Variants in AZIN2 observed in about 807,000 individuals in gnomAD.
AZIN2 encodes the protein antizyme inhibitor 2, also known as ODC antizyme inhibitor-2.
AZIN2 carries 28 observed loss-of-function variants against 47.8 expected under a neutral mutation model. That is an observed-to-expected ratio of 0.59 (90% CI 0.43 to 0.80). AZIN2 has a LOEUF of 0.80. AZIN2 is among the 30% of genes least tolerant of loss of function. The pLI is 0.00. For missense variants in AZIN2, 535 were observed against 582.5 expected (o/e 0.92, Z 0.84); for synonymous variants, 221 against 239.4 (o/e 0.92, Z 0.71).
chr1:33,136,401 C>T, the AZIN2 span, among the ~76,000 whole-genome samples: 9 of 150,952 alleles, frequency 6.0e-5, no homozygotes, highest in Non-Finnish European at 1.3e-4. Context: ...GATAGTGCCT[C>T]GCCATCACCC....
chr1:33,092,007 C>A, intron 5 of AZIN2, 43 bp from the exon 6 acceptor site: 2 of 1,592,904 alleles, frequency 1.3e-6, no homozygotes, highest in Admixed American at 1.7e-5. Flanking sequence ...CGTGGGCTAG[C>A]AGGCCCTGGT....
intron 6 of AZIN2, 127 bp from the exon 7 acceptor site, chr1:33,093,155 G>C: frequency 8.1e-7 from 1 of 1,238,882 alleles, no homozygotes; most frequent in South Asian, 1.4e-5. Context: ...TAGGGAGAGG[G>C]AGGGGTCAGG....
intron 8 of AZIN2, among the ~76,000 whole-genome samples, chr1:33,095,119 T>C (rs1643004240): frequency 6.6e-6 from 1 of 152,234 alleles, no homozygotes; most frequent in Non-Finnish European, 1.5e-5. Flanking sequence ...CTTCCTCTAT[T>C]CCCTTTTCCT....
the AZIN2 span, chr1:33,147,857 A>G: frequency 9.7e-7 from 1 of 1,030,194 alleles, no homozygotes; most frequent in African/African-American, 1.6e-5. This position sits in a 1 kb window ranked among gnomAD's most constrained non-coding sequence, Gnocchi z 8.1. Flanking sequence ...GACCTTGAAT[A>G]CAAGTCTGCC....
At chr1:33,105,355 G>A (rs1396809923) in intron 10 of AZIN2, among the ~76,000 whole-genome samples, 1 of 152,140 alleles carries the variant, frequency 6.6e-6, no homozygotes, top group Non-Finnish European at 1.5e-5. Context: ...TGTTCATTGA[G>A]TGCTCTAAAA....
At chr1:33,112,320 A>G (rs905558901) in intron 10 of AZIN2, among the ~76,000 whole-genome samples, 1 of 152,248 alleles carries the variant, frequency 6.6e-6, no homozygotes, top group African/African-American at 2.4e-5. Context: ...ATCAGAACAT[A>G]TATATCTTTA....
In AZIN2 at chr1:33,087,184, A is replaced by C. The variant is rs182851235; in HGVS notation, c.279+3057A>C. Among the ~76,000 whole-genome samples, 5 of 149,052 alleles carry C rather than the reference A, an allele frequency of 3.4e-5. No individual in the cohort carries two copies. The East Asian group carries it at 9.9e-4, about 29-fold the overall frequency. ...GTTTCGCTCTTGTTGCCCAGGCTGG[A>C]GTGCAGTGGCGCAATCTCGGCTCAC... On this transcript the variant is annotated intron_variant, in intron 5 of 11. Coordinates refer to ENST00000294517, the MANE Select transcript of AZIN2 (RefSeq NM_052998.4).
chr1:33,144,659 C>T, the AZIN2 span, among the ~76,000 whole-genome samples: 1 of 152,252 alleles, frequency 6.6e-6, no homozygotes, highest in African/African-American at 2.4e-5. Context: ...CTTTAGTCGA[C>T]AGTCTTTTCC....
intron 10 of AZIN2, among the ~76,000 whole-genome samples, chr1:33,105,797 T>C (rs1050529212): frequency 6.6e-6 from 1 of 152,170 alleles, no homozygotes; most frequent in Non-Finnish European, 1.5e-5. Flanking sequence ...AAATGCAAGA[T>C]ACGATTTGGT....
intron 4 of AZIN2, chr1:33,083,279 A>G (rs995559143): frequency 1.3e-5 from 2 of 155,146 alleles, no homozygotes; most frequent in African/African-American, 4.8e-5. Context: ...TGAAAGGGAA[A>G]CTGAGTCCCA....
chr1:33,113,392 G>A lies in AZIN2; in HGVS notation c.1030-4510G>A, dbSNP rs528438068. The stretch of plus-strand genomic sequence containing the variant: ...TGAAAACTTTTCCCTGTGTTTTTGA[G>A]CTGAGATGCTGGCTTGCATTCTAAA... On this transcript the variant is annotated intron_variant, in intron 10 of 11. Transcript: ENST00000294517. This position sits in a 1 kb window ranked among gnomAD's most constrained non-coding sequence, Gnocchi z 4.1. 2.6e-5 allele frequency among the ~76,000 whole-genome samples: 4 copies of A among 152,272 alleles called. No homozygotes were observed. Among genetic ancestry groups the A allele is most frequent in the Non-Finnish European group, 4.4e-5 (3 of 68,034 alleles).
At chr1:33,105,167 C>A (rs1643936093) in intron 10 of AZIN2, among the ~76,000 whole-genome samples, 1 of 152,132 alleles carries the variant, frequency 6.6e-6, no homozygotes, top group African/African-American at 2.4e-5. Context: ...AGCCCAAAAT[C>A]TCTAATTTAC....
chr1:33,165,336 C>T, the AZIN2 span: 2 of 751,532 alleles, frequency 2.7e-6, no homozygotes, highest in Admixed American at 5.4e-5. This position sits in a 1 kb window ranked among gnomAD's most constrained non-coding sequence, Gnocchi z 4.0. Context: ...GCCCTTCTCA[C>T]TCCAGGTTTG....
chr1:33,082,930 A>G (rs1641454777), intron 4 of AZIN2: 1 of 145,512 alleles, frequency 6.9e-6, no homozygotes, highest in Non-Finnish European at 1.5e-5. Flanking sequence ...TGTGTGCCCA[A>G]TGATGCTATT....
At chr1:33,089,636 C>G (rs1198379594) in intron 5 of AZIN2, among the ~76,000 whole-genome samples, 1 of 152,168 alleles carries the variant, frequency 6.6e-6, no homozygotes, top group African/African-American at 2.4e-5. Flanking sequence ...AAGCCCAGCT[C>G]TGGAGCTTGA....
At chr1:33,124,433 G>C (rs1644842952), downstream of AZIN2, among the ~76,000 whole-genome samples, 1 of 152,154 alleles carries the variant, frequency 6.6e-6, no homozygotes, top group Non-Finnish European at 1.5e-5. The surrounding 1 kb of genome is among the most constrained non-coding windows in gnomAD (Gnocchi z 4.6). Context: ...ATACTCAAAA[G>C]GGGTGGAGGG....
intron 10 of AZIN2, among the ~76,000 whole-genome samples, chr1:33,100,563 A>G (rs1643601949): frequency 6.8e-6 from 1 of 147,392 alleles, no homozygotes; most frequent in Non-Finnish European, 1.5e-5. Flanking sequence ...GGATAGAAAC[A>G]CGTGTGTGTG....
At chr1:33,152,695 A>G in the AZIN2 span, among the ~76,000 whole-genome samples, 3 of 152,232 alleles carry the variant, frequency 2.0e-5, no homozygotes, top group Admixed American at 2.0e-4. Context: ...AAATAATTTA[A>G]TCTGCATAGC....
chr1:33,117,669 G>A (rs1160841003), intron 10 of AZIN2, among the ~76,000 whole-genome samples: 1 of 152,172 alleles, frequency 6.6e-6, no homozygotes, highest in Admixed American at 6.5e-5. Context: ...TTTTGCCCAA[G>A]GTCACACAGC....
Sources: allele counts gnomAD v4.1 joint callset (sites outside exome capture counted in the v4.1 genomes callset), GRCh38; gene constraint gnomAD v4.1.1; non-coding constraint Gnocchi (gnomAD v3.1); transcripts MANE v1.5; gene names NCBI Gene and HGNC (gene_info 2026-07-23, HGNC 2026-07-21).